Variants in CKLF observed in about 807,000 individuals in gnomAD.
CKLF encodes chemokine like factor.
In CKLF, 16 loss-of-function variants were observed where a neutral mutation model predicts 12.9. The observed-to-expected ratio is 1.24, with a 90% CI of 0.84 to 1.88. The LOEUF (loss-of-function observed/expected upper bound fraction) is 1.88. Among genes scored for constraint, CKLF ranks in the 40% most tolerant of loss-of-function variants. The pLI is 0.00. For synonymous variants in CKLF, 61 were observed against 69.0 expected (o/e 0.88, Z 0.57); for missense variants, 172 against 188.5 (o/e 0.91, Z 0.51).
At chr16:66,562,955 C>G (rs546262632) in intron 2 of CKLF, 167 bp from the exon 3 acceptor site, 1 of 744,124 alleles carries the variant, frequency 1.3e-6, no homozygotes, top group East Asian at 2.8e-5. Context: ...CTCCAGGCTT[C>G]AAGTGATCTG....
downstream of CKLF, chr16:66,566,232 G>A: frequency 6.7e-7 from 1 of 1,483,782 alleles, no homozygotes; most frequent in East Asian, 2.5e-5. The surrounding 1 kb of genome is among the most constrained non-coding windows in gnomAD (Gnocchi z 4.9). Context: ...GAATGTGCCG[G>A]GATCCGCCTC....
chr16:66,561,061 G>A (rs1360367451), intron 2 of CKLF, among the ~76,000 whole-genome samples: 1 of 152,080 alleles, frequency 6.6e-6, no homozygotes, highest in Non-Finnish European at 1.5e-5. Context: ...AGTTGCCTGG[G>A]GATGTTACCT....
At chr16:66,558,412 C>T in intron 2 of CKLF, 64 bp downstream of exon 2, 1 of 1,555,310 alleles carries the variant, frequency 6.4e-7, no homozygotes, top group Non-Finnish European at 8.6e-7. Context: ...TTCTAATGAA[C>T]TCTGTTTTTT....
At chr16:66,558,088 A>G in intron 1 of CKLF, 102 bp from the exon 2 acceptor site, 2 of 1,524,664 alleles carry the variant, frequency 1.3e-6, no homozygotes, top group Non-Finnish European at 1.8e-6. Flanking sequence ...GATTATAGGC[A>G]TGACCCACTG....
chr16:66,560,211 A>G (rs916541234), intron 2 of CKLF, among the ~76,000 whole-genome samples: 2 of 152,222 alleles, frequency 1.3e-5, no homozygotes, highest in African/African-American at 4.8e-5. Context: ...GAGAAAGAGC[A>G]TGACCCTCCA....
intron 3 of CKLF, among the ~76,000 whole-genome samples, chr16:66,564,469 CTTTTTT>C (rs552824877): frequency 1.4e-5 from 2 of 142,662 alleles, no homozygotes; most frequent in Non-Finnish European, 3.1e-5. Flanking sequence ...TTATTTTTTT[CTTTTTT>C]TTTTTTTTCT....
downstream of CKLF, chr16:66,566,237 C>A: frequency 1.4e-6 from 2 of 1,477,184 alleles, no homozygotes; most frequent in South Asian, 2.7e-5. This position sits in a 1 kb window ranked among gnomAD's most constrained non-coding sequence, Gnocchi z 4.9. Context: ...TGCCGGGATC[C>A]GCCTCAGGGA....
chr16:66,563,771 G>A (rs1343805338), intron 3 of CKLF, among the ~76,000 whole-genome samples: 1 of 152,186 alleles, frequency 6.6e-6, no homozygotes, highest in African/African-American at 2.4e-5. Flanking sequence ...AATTCCATCA[G>A]ACCTCATCCT....
chr16:66,556,117 A>C (rs1414808799), intron 1 of CKLF, among the ~76,000 whole-genome samples: 1 of 152,186 alleles, frequency 6.6e-6, no homozygotes, highest in Non-Finnish European at 1.5e-5. Flanking sequence ...TGAGAATGAC[A>C]GCATTTTACA....
chr16:66,561,518 C>T (rs1462418739), intron 2 of CKLF, among the ~76,000 whole-genome samples: 2 of 152,122 alleles, frequency 1.3e-5, no homozygotes, highest in East Asian at 3.9e-4. Context: ...CTCCCTAGAA[C>T]ACCACTTTGA....
At position 66,554,236 on chromosome 16, in the gene CKLF, A is replaced by C. The variant is rs1276191797; in HGVS notation, c.78+1443A>C. Reference sequence around the variant, plus strand: ...ACTCATGGAGTTCTTCAGTTTAATTATGAGACAGACACATGAGCAGATAGT... The same window carrying C: ...ACTCATGGAGTTCTTCAGTTTAATTCTGAGACAGACACATGAGCAGATAGT... On this transcript the variant is annotated intron_variant, in intron 1 of 3. Transcript: ENST00000264001. 2.0e-5 allele frequency among the ~76,000 whole-genome samples: 3 copies of C among 152,352 alleles called. No individual in the cohort carries two copies. In the East Asian group the frequency reaches 5.8e-4, roughly 29 times the overall value.
intron 2 of CKLF, 68 bp downstream of exon 2, chr16:66,558,416 G>A (rs1265923432): frequency 6.5e-7 from 1 of 1,549,046 alleles, no homozygotes; most frequent in Admixed American, 2.1e-5. Flanking sequence ...AATGAACTCT[G>A]TTTTTTGCTT....
intron 2 of CKLF, 96 bp from the exon 3 acceptor site, chr16:66,563,026 G>GTT (rs16970050): frequency 1.5e-4 from 209 of 1,436,090 alleles, no homozygotes; most frequent in Admixed American, 1.2e-3. Context: ...TGCTGACTTT[G>GTT]TTTTTTGTTG....
Position 66,552,801 on chromosome 16 carries a change from C to G in CKLF, c.78+8C>G, listed in dbSNP as rs754417210. 1.9e-6 allele frequency: 3 copies of G among 1,613,822 alleles called. No homozygotes were observed. Among genetic ancestry groups the G allele is most frequent in the African/African-American group, 1.3e-5 (1 of 75,034 alleles). On this transcript the variant is annotated splice_region_variant and intron_variant, in intron 1 of 3. Coordinates refer to ENST00000264001, the MANE Select transcript of CKLF (RefSeq NM_016951.4). The stretch of plus-strand genomic sequence containing the variant: ...GTGAAGATGCTGCGGCTGGTGAGGC[C>G]GGGCCGCGGAGGGCGGGAGGCTGAT...
intron 1 of CKLF, among the ~76,000 whole-genome samples, chr16:66,554,558 A>G (rs1159393097): frequency 6.6e-6 from 1 of 152,230 alleles, no homozygotes. Context: ...AGTACACATT[A>G]TTGGGATGGG....
chr16:66,560,773 A>T (rs1324230119), intron 2 of CKLF, among the ~76,000 whole-genome samples: 1 of 151,098 alleles, frequency 6.6e-6, no homozygotes, highest in East Asian at 1.9e-4. Context: ...AGAAGAATGG[A>T]CACATTTAAA....
Position 66,557,042 on chromosome 16 carries a change from A to G in CKLF, c.79-1148A>G, listed in dbSNP as rs1310276377. On this transcript the variant is annotated intron_variant, in intron 1 of 3. Transcript: ENST00000264001. ...TCATTTGGAAATGAAGAAATTTCAG[A>G]GTTTTTTATGTTTTTTTTTCCACTT... Among the ~76,000 whole-genome samples, 3 of 152,232 alleles carry G rather than the reference A, an allele frequency of 2.0e-5. No homozygotes were observed. The East Asian group carries it at 5.8e-4, about 29-fold the overall frequency.
chr16:66,558,146 G>A, intron 1 of CKLF, 44 bp from the exon 2 acceptor site: 2 of 1,591,346 alleles, frequency 1.3e-6, no homozygotes, highest in Non-Finnish European at 1.7e-6. Flanking sequence ...GTTTAAATTT[G>A]TATTCAGTTG....
At chr16:66,553,160 T>TAAAAAC (rs930921856) in intron 1 of CKLF, among the ~76,000 whole-genome samples, 3 of 108,218 alleles carry the variant, frequency 2.8e-5, no homozygotes, top group African/African-American at 1.7e-4. Flanking sequence ...CCTGCCTCTT[T>TAAAAAC]AAAAACAAAA....
Sources: allele counts gnomAD v4.1 joint callset (sites outside exome capture counted in the v4.1 genomes callset), GRCh38; gene constraint gnomAD v4.1.1; non-coding constraint Gnocchi (gnomAD v3.1); transcripts MANE v1.5; gene names NCBI Gene and HGNC (gene_info 2026-07-23, HGNC 2026-07-21).